Variants in ITGA2 observed in about 807,000 individuals in gnomAD.
ITGA2 encodes the protein integrin subunit alpha 2, also known as integrin alpha-2.
In ITGA2, 101 loss-of-function variants were observed where a neutral mutation model predicts 146.3. The ratio of observed to expected loss-of-function variants is 0.69; its 90% CI spans 0.59 to 0.81. The LOEUF (loss-of-function observed/expected upper bound fraction) is 0.81, where lower values mean the gene tolerates loss of function less well. ITGA2 is among the 40% of genes least tolerant of loss of function. ITGA2 has a pLI of 0.00. For missense variants in ITGA2, 1,281 were observed against 1,402.7 expected (o/e 0.91, Z 1.39); for synonymous variants, 477 against 487.1 (o/e 0.98, Z 0.27).
chr5:53,085,522 T>C (rs888976471), intron 27 of ITGA2, among the ~76,000 whole-genome samples: 6 of 152,210 alleles, frequency 3.9e-5, no homozygotes, highest in Non-Finnish European at 8.8e-5. Context: ...ACTGCTGCTT[T>C]TTTTCTTAAA....
At chr5:53,011,990 G>A (rs1183031371) in intron 1 of ITGA2, among the ~76,000 whole-genome samples, 1 of 152,102 alleles carries the variant, frequency 6.6e-6, no homozygotes, top group Non-Finnish European at 1.5e-5. Context: ...TGTAAATTAA[G>A]TACAAAGAAA....
At chr5:53,075,550 C>T (rs1745625059) in intron 23 of ITGA2, among the ~76,000 whole-genome samples, 1 of 151,964 alleles carries the variant, frequency 6.6e-6, no homozygotes, top group Admixed American at 6.6e-5. Flanking sequence ...CGTAGCCACA[C>T]ATCACAGGCA....
Position 53,090,775 on chromosome 5 carries a change from G to T in ITGA2, c.*176G>T. 1.9e-6 allele frequency: 1 copy of T among 520,978 alleles called. No homozygotes were observed. Among genetic ancestry groups the T allele is most frequent in the South Asian group, 2.1e-5 (1 of 46,560 alleles). The allele number at this position is 520,978 out of a possible 1,614,324, so 32.3% of individuals were successfully genotyped here. On this transcript the variant is annotated 3_prime_UTR_variant, in exon 30 of 30. Transcript: ENST00000296585. ...GGAATGAAGAAATTGTGGGGGGTGGGGGAGGTGCGGGGGGCAGGTAGGGAA... is the reference window on the plus strand; with the variant it reads ...GGAATGAAGAAATTGTGGGGGGTGGTGGAGGTGCGGGGGGCAGGTAGGGAA...
At chr5:53,040,407 T>C (rs1743730492) in intron 2 of ITGA2, among the ~76,000 whole-genome samples, 1 of 152,202 alleles carries the variant, frequency 6.6e-6, no homozygotes, top group African/African-American at 2.4e-5. Context: ...ATAAGATTCC[T>C]AATTTCTTCT....
intron 3 of ITGA2, among the ~76,000 whole-genome samples, chr5:53,043,245 G>A (rs1312128579): frequency 7.1e-6 from 1 of 139,902 alleles, no homozygotes; most frequent in African/African-American, 2.5e-5. Flanking sequence ...CATTTGGAGT[G>A]AGTGTTCAAA....
At chr5:53,057,227 A>G (rs1011189422) in intron 9 of ITGA2, among the ~76,000 whole-genome samples, 1 of 151,954 alleles carries the variant, frequency 6.6e-6, no homozygotes, top group African/African-American at 2.4e-5. Flanking sequence ...GACTTTGGGG[A>G]ACATTATTCT....
At chr5:53,064,599 C>G (rs1477562487) in intron 13 of ITGA2, among the ~76,000 whole-genome samples, 1 of 151,834 alleles carries the variant, frequency 6.6e-6, no homozygotes, top group Non-Finnish European at 1.5e-5. Flanking sequence ...CTGTAGTGCA[C>G]TGGTGTGATC....
intron 2 of ITGA2, among the ~76,000 whole-genome samples, chr5:53,028,723 G>C (rs918675311): frequency 1.3e-5 from 2 of 152,254 alleles, no homozygotes; most frequent in East Asian, 3.9e-4. Flanking sequence ...TTCTGCACAA[G>C]CTAATGAGGC....
intron 23 of ITGA2, among the ~76,000 whole-genome samples, chr5:53,078,063 A>G (rs897690235): frequency 1.3e-5 from 2 of 152,058 alleles, no homozygotes; most frequent in African/African-American, 4.8e-5. Context: ...GAGTGGTCCT[A>G]TGAGGGTTTC....
chr5:53,045,051 G>A lies in ITGA2; in HGVS notation c.346G>A (p.Gly116Ser), dbSNP rs1219183126. The A allele has an allele frequency of 8.1e-6, 13 of 1,613,766 alleles. No homozygotes were observed. The highest frequency in any genetic ancestry group is 2.2e-5 in the East Asian group (1 of 44,862). ...VTEMKTNMSL[G>S]LILTRNMGTG... ...TGAGATGAAAACCAACATGAGCCTC[G>A]GCTTGATCCTCACCAGGAACATGGG... Residue 116 changes from glycine (G) to serine (S), a missense_variant, in exon 4 of 30, where the codon GGC becomes AGC. By Grantham distance (56) the Gly-to-Ser change is moderately conservative. Coordinates refer to ENST00000296585, the MANE Select transcript of ITGA2 (RefSeq NM_002203.4).
In ITGA2 at chr5:53,092,242, CATT is replaced by C. The variant is rs1204402317; in HGVS notation, c.*1646_*1648del. On this transcript the variant is annotated 3_prime_UTR_variant, in exon 30 of 30. Coordinates refer to ENST00000296585, the MANE Select transcript of ITGA2 (RefSeq NM_002203.4). ...TGACCTCTATAAACTTCAGAGTCCT[CATT>C]ATAAAATGGGAAGACTGAGCTGGAG... is the stretch of plus-strand genomic sequence containing the variant. 6.6e-6 allele frequency: 1 copy of C among 152,136 alleles called. No individual in the cohort carries two copies. Among genetic ancestry groups the C allele is most frequent in the Non-Finnish European group, 1.5e-5 (1 of 68,018 alleles). 9.4% of individuals were successfully genotyped at this position (152,136 alleles called of 1,614,324 possible).
intron 27 of ITGA2, among the ~76,000 whole-genome samples, chr5:53,085,197 A>C (rs1373383629): frequency 1.3e-5 from 2 of 152,246 alleles, no homozygotes; most frequent in Non-Finnish European, 2.9e-5. Context: ...ATTTGAACCC[A>C]TTAATGCACT....
Position 53,048,431 on chromosome 5 carries a change from C to T in ITGA2, c.456C>T (p.Ile152=). Residue 152 remains isoleucine (I), a synonymous_variant, in exon 5 of 30, where the codon ATC becomes ATT. Transcript: ENST00000296585. The part of the protein sequence containing the change: ...QYYTTGVCSD[I]SPDFQLSASF... ...ACACAACGGGTGTGTGTTCTGACAT[C>T]AGTCCTGATTTTCAGCTCTCAGCCA... 6.2e-7 allele frequency: 1 copy of T among 1,614,108 alleles called. No individual in the cohort carries two copies. The highest frequency in any genetic ancestry group is 8.5e-7 in the Non-Finnish European group (1 of 1,179,990).
At chr5:53,086,875 C>A in intron 27 of ITGA2, 77 bp from the exon 28 acceptor site, 1 of 1,146,164 alleles carries the variant, frequency 8.7e-7, no homozygotes, top group South Asian at 1.3e-5. Flanking sequence ...GAAATAAATA[C>A]ATAAATCATA....
In ITGA2 at chr5:53,055,965, C is replaced by T; in HGVS notation, c.931-19C>T. 1 of 1,604,794 alleles carries T rather than the reference C, an allele frequency of 6.2e-7. No homozygotes were observed. Among genetic ancestry groups the T allele is most frequent in the Non-Finnish European group, 8.5e-7 (1 of 1,174,544 alleles). On this transcript the variant is annotated intron_variant, in intron 8 of 29. Coordinates refer to ENST00000296585, the MANE Select transcript of ITGA2 (RefSeq NM_002203.4). ...TGTACAGCAGTAATGACTGCACATT[C>T]TCTTCCTCTATTTTCAAGGTTCTTG...
intron 1 of ITGA2, among the ~76,000 whole-genome samples, chr5:53,025,496 G>T (rs1204459246): frequency 6.6e-6 from 1 of 152,118 alleles, no homozygotes; most frequent in Non-Finnish European, 1.5e-5. Context: ...AGTGATTTTG[G>T]CACTTACAGA....
Position 53,056,104 on chromosome 5 carries a change from C to A in ITGA2, c.1051C>A (p.Leu351Ile), listed in dbSNP as rs776634210. ...CAATGTGTCTGATGAAGCAGCTCTA[C>A]TAGAAAAGGCTGGGACATTAGGAGA... Reference protein sequence around the residue: ...FFNVSDEAALLEKAGTLGEQI... With the variant: ...FFNVSDEAALIEKAGTLGEQI... The change falls in exon 9 of 30, where the codon CTA becomes ATA. Residue 351 changes from leucine to isoleucine, a missense_variant. Leu to Ile is a conservative substitution (Grantham distance 5). Coordinates refer to ENST00000296585, the MANE Select transcript of ITGA2 (RefSeq NM_002203.4). 1.2e-6 allele frequency: 2 copies of A among 1,612,024 alleles called. No individual in the cohort carries two copies. The highest frequency in any genetic ancestry group is 1.7e-6 in the Non-Finnish European group (2 of 1,178,802).
chr5:53,093,842 G>A lies in ITGA2; in HGVS notation c.*3243G>A, dbSNP rs1315660530. Reference sequence around the variant, plus strand: ...TATAAAATAGTAAGATAGTAAAATAGCTTATGAAGAAACTACAGAGATTTA... The same window carrying A: ...TATAAAATAGTAAGATAGTAAAATAACTTATGAAGAAACTACAGAGATTTA... On this transcript the variant is annotated 3_prime_UTR_variant, in exon 30 of 30. Coordinates refer to ENST00000296585, the MANE Select transcript of ITGA2 (RefSeq NM_002203.4). 1.3e-5 allele frequency: 2 copies of A among 152,570 alleles called. No homozygotes were observed. Among genetic ancestry groups the A allele is most frequent in the African/African-American group, 4.8e-5 (2 of 41,444 alleles). 9.5% of individuals were successfully genotyped at this position (152,570 alleles called of 1,614,324 possible). A position where few individuals can be genotyped will look rare whatever the true frequency, so the allele number is the denominator to read the frequency against.
chr5:53,015,964 T>C (rs1301883088), intron 1 of ITGA2, among the ~76,000 whole-genome samples: 1 of 152,220 alleles, frequency 6.6e-6, no homozygotes, highest in Non-Finnish European at 1.5e-5. Flanking sequence ...TCTTTGCCTT[T>C]GAGCCTATGG....
Sources: gnomAD v4.1 joint callset for allele counts (sites outside exome capture counted in the v4.1 genomes callset) on GRCh38, gnomAD v4.1.1 for gene constraint, MANE v1.5 for transcripts, NCBI Gene and HGNC (gene_info 2026-07-23, HGNC 2026-07-21) for gene names.